The following LHFPL2 variants were observed in gnomAD, a reference collection of about 807,000 sequenced individuals.
LHFPL2 encodes LHFPL tetraspan subfamily member 2 protein.
LHFPL2 carries 7 observed loss-of-function variants against 17.5 expected under a neutral mutation model. That is an observed-to-expected ratio of 0.40 (90% CI 0.23 to 0.75). The LOEUF (loss-of-function observed/expected upper bound fraction) is 0.75, where lower values mean the gene tolerates loss of function less well. Among genes scored for constraint, LHFPL2 ranks in the 30% least tolerant of loss-of-function variants. LHFPL2 has a pLI of 0.37. For synonymous variants in LHFPL2, 134 were observed against 116.2 expected (o/e 1.15, Z -0.99); for missense variants, 241 against 294.8 (o/e 0.82, Z 1.34).
At chr5:78,497,994 G>GA (rs1754658605) in intron 4 of LHFPL2, among the ~76,000 whole-genome samples, 1 of 152,240 alleles carries the variant, frequency 6.6e-6, no homozygotes, top group South Asian at 2.1e-4. Context: ...GCTGACCTGT[G>GA]AGAGCTGGCC....
At chr5:78,618,922 G>A (rs1744725863) in intron 2 of LHFPL2, among the ~76,000 whole-genome samples, 1 of 152,162 alleles carries the variant, frequency 6.6e-6, no homozygotes, top group Non-Finnish European at 1.5e-5. Context: ...GGACACAGCA[G>A]AATGGTATTA....
At chr5:78,553,269 C>T (rs1023715454) in intron 3 of LHFPL2, among the ~76,000 whole-genome samples, 3 of 152,182 alleles carry the variant, frequency 2.0e-5, no homozygotes, top group Non-Finnish European at 4.4e-5. Context: ...TGCCATTCCC[C>T]TCTTTCATCC....
rs1745282183 is a variant in LHFPL2, at chr5:78,632,310, T to C, written c.-291A>G. 6.6e-6 allele frequency: 1 copy of C among 152,234 alleles called. No homozygotes were observed. 9.4% of individuals were successfully genotyped at this position (152,234 alleles called of 1,614,324 possible). The stretch of plus-strand genomic sequence containing the variant: ...TCCCTCGCTTGCATGAGGTGCTTCT[T>C]AACAAAATGCAGAAACCATAGGCCA... On this transcript the variant is annotated 5_prime_UTR_variant, in exon 2 of 5. An upstream open reading frame in the 5' UTR loses its in-frame stop. Transcript: ENST00000380345.
chr5:78,600,840 T>G (rs1413317507), intron 2 of LHFPL2, among the ~76,000 whole-genome samples: 1 of 152,136 alleles, frequency 6.6e-6, no homozygotes, highest in Admixed American at 6.5e-5. Flanking sequence ...GTAACTAAAG[T>G]CAAAGGTTCT....
At chr5:78,513,125 G>A (rs56393137) in intron 3 of LHFPL2, among the ~76,000 whole-genome samples, 60,119 of 151,884 alleles carry the variant, frequency 0.4, 12,289 homozygotes, top group African/African-American at 0.48. Context: ...ACAACCTCTC[G>A]GGTGACTTGT....
chr5:78,596,220 T>C (rs975003133), intron 2 of LHFPL2, among the ~76,000 whole-genome samples: 9 of 152,154 alleles, frequency 5.9e-5, no homozygotes, highest in African/African-American at 1.7e-4. Context: ...ATTTTGGAAA[T>C]TGAATTGAAA....
At chr5:78,570,368 G>A (rs953541237) in intron 2 of LHFPL2, among the ~76,000 whole-genome samples, 1 of 152,124 alleles carries the variant, frequency 6.6e-6, no homozygotes, top group Non-Finnish European at 1.5e-5. Context: ...AGGCAAGGAG[G>A]AATCGCAGGC....
Position 78,489,051 on chromosome 5 carries a change from T to C in LHFPL2, c.533A>G (p.Asp178Gly). 1 of 1,614,184 alleles carries C rather than the reference T, an allele frequency of 6.2e-7. No individual in the cohort carries two copies. The highest frequency in any genetic ancestry group is 8.5e-7 in the Non-Finnish European group (1 of 1,180,028). ...ATAAAAGGCCCAGCCCAAGGAGCAG[T>C]CTCCAGGTTTGTAGGCAGATGCATA... is the stretch of plus-strand genomic sequence containing the variant. The part of the protein sequence containing the change: ...GHYASAYKPG[D>G]CSLGWAFYTA... The change falls in exon 5 of 5, where the codon GAC (aspartate) becomes GGC (glycine). Residue 178 changes from aspartate to glycine, a missense_variant. Physicochemically the swap from Asp to Gly is moderately conservative, Grantham distance 94 (BLOSUM62 -1). Coordinates refer to ENST00000380345, the MANE Select transcript of LHFPL2 (RefSeq NM_005779.3).
intron 3 of LHFPL2, among the ~76,000 whole-genome samples, chr5:78,542,535 A>G (rs1386469505): frequency 6.6e-6 from 1 of 152,102 alleles, no homozygotes; most frequent in East Asian, 1.9e-4. Flanking sequence ...TTCCAGCCAA[A>G]TGGATTTCCT....
chr5:78,493,267 G>C (rs1435548755), intron 4 of LHFPL2, among the ~76,000 whole-genome samples: 1 of 152,170 alleles, frequency 6.6e-6, no homozygotes, highest in African/African-American at 2.4e-5. Context: ...TCTGAGCCCA[G>C]CCTGGCCCTG....
intron 3 of LHFPL2, among the ~76,000 whole-genome samples, chr5:78,541,630 C>G (rs1445311593): frequency 1.3e-5 from 2 of 152,162 alleles, no homozygotes; most frequent in African/African-American, 2.4e-5. Context: ...GGTGTGTGAC[C>G]AGCCTGCCAC....
At chr5:78,598,704 C>T (rs554169681) in intron 2 of LHFPL2, among the ~76,000 whole-genome samples, 1 of 152,106 alleles carries the variant, frequency 6.6e-6, no homozygotes, top group Admixed American at 6.5e-5. Flanking sequence ...TTAATTCACT[C>T]CAACAAAATA....
At chr5:78,497,682 T>C (rs1057476224) in intron 4 of LHFPL2, among the ~76,000 whole-genome samples, 2 of 152,186 alleles carry the variant, frequency 1.3e-5, no homozygotes, top group East Asian at 3.8e-4. Context: ...TTTGAAATGG[T>C]TGGAGGAAAA....
intron 2 of LHFPL2, among the ~76,000 whole-genome samples, chr5:78,597,672 G>A (rs1743874355): frequency 6.6e-6 from 1 of 152,134 alleles, no homozygotes; most frequent in Non-Finnish European, 1.5e-5. Flanking sequence ...AAAGTTGGGA[G>A]GAAAGAGAAA....
At chr5:78,545,838 C>A (rs898962133) in intron 3 of LHFPL2, among the ~76,000 whole-genome samples, 1 of 152,202 alleles carries the variant, frequency 6.6e-6, no homozygotes, top group Non-Finnish European at 1.5e-5. Context: ...AAGAATAAGA[C>A]ACTGGTTCAT....
intron 4 of LHFPL2, among the ~76,000 whole-genome samples, chr5:78,509,516 C>G (rs933454641): frequency 6.6e-6 from 1 of 152,184 alleles, no homozygotes; most frequent in Non-Finnish European, 1.5e-5. Flanking sequence ...CTAAAACCAA[C>G]AGCTTAGACC....
chr5:78,616,270 G>A (rs1481139848), intron 2 of LHFPL2, among the ~76,000 whole-genome samples: 1 of 152,104 alleles, frequency 6.6e-6, no homozygotes, highest in African/African-American at 2.4e-5. Flanking sequence ...GGGACTACTG[G>A]TGCCCGCCAC....
rs567520259 is a variant in LHFPL2 at position 78,559,922 on chromosome 5, T to A, written c.-186+4891A>T. Reference sequence around the variant, plus strand: ...CTATTTAATATAGAAGTATCAATCCTGCTTAATTCCTAGACAGAGCTTTTA... The same window carrying A: ...CTATTTAATATAGAAGTATCAATCCAGCTTAATTCCTAGACAGAGCTTTTA... On this transcript the variant is annotated intron_variant, in intron 3 of 4. Transcript: ENST00000380345. 1.0e-3 allele frequency among the ~76,000 whole-genome samples: 158 copies of A among 152,372 alleles called. 1 individual carries two copies. The highest frequency in any genetic ancestry group is 3.6e-3 in the African/African-American group (149 of 41,584).
At chr5:78,570,082 T>C (rs911891710) in intron 2 of LHFPL2, among the ~76,000 whole-genome samples, 5 of 152,204 alleles carry the variant, frequency 3.3e-5, no homozygotes, top group African/African-American at 9.7e-5. Context: ...TATTTAGTTA[T>C]AAATCTATGG....
Sources: gnomAD v4.1 joint callset for allele counts (sites outside exome capture counted in the v4.1 genomes callset) on GRCh38, gnomAD v4.1.1 for gene constraint, MANE v1.5 for transcripts, NCBI Gene and HGNC (gene_info 2026-07-23, HGNC 2026-07-21) for gene names.